Variants in ABCC1 observed in about 807,000 individuals in gnomAD.
ABCC1 encodes the protein ATP binding cassette subfamily C member 1 (ABCC1 blood group), also known as multidrug resistance-associated protein 1.
In ABCC1, 83 loss-of-function variants were observed where a neutral mutation model predicts 172.9. That is an observed-to-expected ratio of 0.48 (90% CI 0.40 to 0.58). The LOEUF is 0.58. Among genes scored for constraint, ABCC1 ranks in the 20% least tolerant of loss-of-function variants. The probability of loss-of-function intolerance (pLI) is 0.00; values close to 1 mark genes in which losing one functional copy is unlikely to be tolerated. For synonymous variants in ABCC1, 937 were observed against 825.2 expected, an observed-to-expected ratio of 1.14 and a Z score of -2.32; for missense variants, 1,817 against 2,002.7, an observed-to-expected ratio of 0.91 and a Z score of 1.77.
intron 5 of ABCC1, among the ~76,000 whole-genome samples, chr16:16,017,166 G>T (rs2048029883): frequency 1.3e-5 from 2 of 152,200 alleles, no homozygotes; most frequent in Non-Finnish European, 2.9e-5. Flanking sequence ...TCAGTGAGGA[G>T]TGTAGAGATG....
intron 13 of ABCC1, 130 bp from the exon 14 acceptor site, chr16:16,071,512 T>C (rs2050347254): frequency 1.5e-6 from 1 of 666,742 alleles, no homozygotes; most frequent in South Asian, 1.8e-5. Context: ...CTAAGAAATG[T>C]GGGACCTTCA....
chr16:16,048,799 C>T (rs182772586), intron 10 of ABCC1, among the ~76,000 whole-genome samples: 11 of 152,236 alleles, frequency 7.2e-5, no homozygotes, highest in East Asian at 3.9e-4. Flanking sequence ...CCAGCCTCAA[C>T]GTGGAGAAAC....
intron 5 of ABCC1, among the ~76,000 whole-genome samples, chr16:16,028,283 C>T (rs977285497): frequency 3.3e-5 from 5 of 152,056 alleles, no homozygotes. Context: ...TTGTTTGCAC[C>T]GTGGTTTACT....
At chr16:15,979,653 G>C (rs2046575799) in intron 1 of ABCC1, among the ~76,000 whole-genome samples, 1 of 152,054 alleles carries the variant, frequency 6.6e-6, no homozygotes, top group Non-Finnish European at 1.5e-5. Flanking sequence ...GCCCTTCTTA[G>C]ATTTTATTTT....
intron 1 of ABCC1, among the ~76,000 whole-genome samples, chr16:15,961,859 A>G (rs1420259011): frequency 6.7e-6 from 1 of 149,900 alleles, no homozygotes; most frequent in East Asian, 2.0e-4. Context: ...CTTGGTGTCT[A>G]TCAAGGTCAT....
chr16:15,959,322 CTTTTTCTTTCT>C (rs2151493747), intron 1 of ABCC1, among the ~76,000 whole-genome samples: 1 of 152,122 alleles, frequency 6.6e-6, no homozygotes, highest in African/African-American at 2.4e-5. Flanking sequence ...CTTTCTTTTT[CTTTTTCTTTCT>C]TTTTTCTTTT....
At chr16:16,076,253 GAGAA>G (rs2050560871) in intron 14 of ABCC1, 69 bp from the exon 15 acceptor site, 3 of 1,447,792 alleles carry the variant, frequency 2.1e-6, no homozygotes, top group Non-Finnish European at 2.9e-6. Flanking sequence ...CATTCAAGCA[GAGAA>G]AGAGAGTGTT....
intron 12 of ABCC1, 41 bp from the exon 13 acceptor site, chr16:16,068,115 A>G: frequency 6.2e-7 from 1 of 1,612,052 alleles, no homozygotes; most frequent in Non-Finnish European, 8.5e-7. Flanking sequence ...GATGACTCTC[A>G]CTCGGGGCAC....
intron 2 of ABCC1, among the ~76,000 whole-genome samples, chr16:16,008,514 T>C (rs1383749151): frequency 6.6e-6 from 1 of 151,794 alleles, no homozygotes; most frequent in African/African-American, 2.4e-5. Flanking sequence ...CCCTAATTTT[T>C]TTTTTAAGTT....
intron 20 of ABCC1, 55 bp downstream of exon 20, chr16:16,102,772 A>C (rs2051827749): frequency 4.6e-6 from 7 of 1,517,102 alleles, no homozygotes; most frequent in Non-Finnish European, 6.2e-6. Flanking sequence ...CAGTGGGAGG[A>C]CAAGAGGAGG....
At chr16:16,022,404 C>CT (rs2048225076) in intron 5 of ABCC1, among the ~76,000 whole-genome samples, 1 of 152,104 alleles carries the variant, frequency 6.6e-6, no homozygotes, top group South Asian at 2.1e-4. Flanking sequence ...AGTCTCCTGC[C>CT]TTTTTTCTCA....
At chr16:16,124,177 A>ATT in intron 24 of ABCC1, among the ~76,000 whole-genome samples, 1 of 152,330 alleles carries the variant, frequency 6.6e-6, no homozygotes, top group East Asian at 1.9e-4. Flanking sequence ...TCTCGTAACA[A>ATT]GAGACTGTTA....
intron 5 of ABCC1, among the ~76,000 whole-genome samples, chr16:16,025,536 T>C (rs986042805): frequency 6.6e-6 from 1 of 152,090 alleles, no homozygotes; most frequent in Non-Finnish European, 1.5e-5. Context: ...GCAGGGGTTG[T>C]GGGGGGCACT....
In ABCC1 at chr16:16,141,444, G is replaced by C. The variant is rs2046123025; in HGVS notation, c.*163G>C. ...TTCAAAGCAGCAGCCACCGCCATCC[G>C]GTCCCCTGCCTGGAACTGGCTGTGA... On this transcript the variant is annotated 3_prime_UTR_variant, in exon 31 of 31. Transcript: ENST00000399410. 1 of 636,072 alleles carries C rather than the reference G, an allele frequency of 1.6e-6. No homozygotes were observed. The highest frequency in any genetic ancestry group is 2.7e-6 in the Non-Finnish European group (1 of 368,682). The allele number at this position is 636,072 out of a possible 1,614,324, so 39.4% of individuals were successfully genotyped here.
chr16:16,098,740 G>C (rs2051592368), intron 19 of ABCC1: 3 of 755,102 alleles, frequency 4.0e-6, no homozygotes. Flanking sequence ...CACAAATGGA[G>C]CAGACCCTTC....
chr16:16,075,876 C>T (rs182838569), intron 14 of ABCC1, among the ~76,000 whole-genome samples: 8 of 152,246 alleles, frequency 5.3e-5, no homozygotes, highest in Non-Finnish European at 8.8e-5. Flanking sequence ...GAGGGCCCAG[C>T]GGTCTGATGC....
At chr16:15,990,272 C>G (rs2046828456) in intron 1 of ABCC1, among the ~76,000 whole-genome samples, 1 of 152,152 alleles carries the variant, frequency 6.6e-6, no homozygotes. Context: ...GTCTTGAACT[C>G]CTGACTTCAA....
intron 5 of ABCC1, among the ~76,000 whole-genome samples, chr16:16,031,664 C>T (rs1291421767): frequency 3.3e-5 from 5 of 152,258 alleles, no homozygotes; most frequent in African/African-American, 7.2e-5. Context: ...GTTGGGAATG[C>T]GTTGCCTTTC....
Position 16,134,420 on chromosome 16 carries a change from C to T in ABCC1, c.4037C>T (p.Ser1346Phe), listed in dbSNP as rs767317634. Reference sequence around the variant, plus strand: ...CTGGGCTTATTTCGGATCAACGAGTCTGCCGAAGGAGAGATCATCATCGAT... The same window carrying T: ...CTGGGCTTATTTCGGATCAACGAGTTTGCCGAAGGAGAGATCATCATCGAT... ...LTLGLFRINE[S>F]AEGEIIIDGI... is the part of the protein sequence containing the mutation. Residue 1346 changes from serine to phenylalanine, a missense_variant, in exon 28 of 31, where the codon TCT becomes TTT. This residue lies in a region of ABCC1 where 1,412 missense variants were observed against 1,600.3 expected (regional missense o/e 0.88). Transcript: ENST00000399410. 14 of 1,614,184 alleles carry T rather than the reference C, an allele frequency of 8.7e-6. No individual in the cohort carries two copies. In the South Asian group the frequency reaches 1.5e-4, roughly 18 times the overall value.
Sources: allele counts gnomAD v4.1 joint callset (sites outside exome capture counted in the v4.1 genomes callset), GRCh38; gene constraint gnomAD v4.1.1; regional missense constraint gnomAD v4.1.1; transcripts MANE v1.5; gene names NCBI Gene and HGNC (gene_info 2026-07-23, HGNC 2026-07-21).